Variants in CELF2 observed in about 807,000 individuals in gnomAD.
CELF2 encodes CUG triplet repeat RNA-binding protein 2.
Under a neutral mutation model 62.6 loss-of-function variants are expected in CELF2, and 8 were observed. The observed-to-expected ratio is 0.13, with a 90% CI of 0.07 to 0.23. The LOEUF (loss-of-function observed/expected upper bound fraction) is 0.23. Ranked by LOEUF, CELF2 falls within the 10% of genes least tolerant of loss-of-function variation. CELF2 has a pLI of 1.00. For synonymous variants in CELF2, 258 were observed against 250.0 expected (o/e 1.03, Z -0.30); for missense variants, 333 against 671.0 (o/e 0.50, Z 5.56).
Position 11,237,468 on chromosome 10 carries a change from GATCAGGGTGGACAGAGTCGAGCCCTGC to G in CELF2, c.355-11683_355-11657del, listed in dbSNP as rs2071876107. Among the ~76,000 whole-genome samples the G allele has an allele frequency of 6.6e-6, 1 of 152,180 alleles. No homozygotes were observed. On this transcript the variant is annotated intron_variant, in intron 3 of 12. Transcript: ENST00000633077. The surrounding 1 kb of genome is among the most constrained non-coding windows in gnomAD (Gnocchi z 4.0). The stretch of plus-strand genomic sequence containing the variant: ...GGTCATCCTGGGAAGCAGTGTAAGA[GATCAGGGTGGACAGAGTCGAGCCCTGC>G]AAAGAGGCTCAGAAGATCCAGGTGA...
chr10:11,105,925 A>G (rs189121293), intron 1 of CELF2, among the ~76,000 whole-genome samples: 34 of 152,332 alleles, frequency 2.2e-4, no homozygotes, highest in Non-Finnish European at 3.7e-4. Context: ...ATCTGGCATT[A>G]TATAGTGTCT....
chr10:10,573,882 C>A, the CELF2 span, among the ~76,000 whole-genome samples: 56 of 152,096 alleles, frequency 3.7e-4, no homozygotes, highest in African/African-American at 1.2e-3. Context: ...CCCCTACTTT[C>A]CAGAGTTTTT....
chr10:10,691,016 A>G, the CELF2 span, among the ~76,000 whole-genome samples: 10 of 145,450 alleles, frequency 6.9e-5, no homozygotes, highest in African/African-American at 2.6e-4. Flanking sequence ...ATTTTTTTTT[A>G]TTATTATACT....
chr10:11,237,106 AGGAGGCTGTTTCGG>A lies in CELF2; in HGVS notation c.355-12043_355-12030del, dbSNP rs2071679513. Among the ~76,000 whole-genome samples, 1 of 152,212 alleles carries A rather than the reference AGGAGGCTGTTTCGG, an allele frequency of 6.6e-6. No homozygotes were observed. Among genetic ancestry groups the A allele is most frequent in the South Asian group, 2.1e-4 (1 of 4,830 alleles). On this transcript the variant is annotated intron_variant, in intron 3 of 12. Coordinates refer to ENST00000633077, the MANE Select transcript of CELF2 (RefSeq NM_001326342.2). This position sits in a 1 kb window ranked among gnomAD's most constrained non-coding sequence, Gnocchi z 4.0. ...TGGAAGGCAATGACCAGAACTGGTG[AGGAGGCTGTTTCGG>A]GGATCCAGGTGAGCAGGAATGAAAA...
intron 1 of CELF2, among the ~76,000 whole-genome samples, chr10:11,071,262 G>A (rs1052393631): frequency 6.6e-6 from 1 of 152,188 alleles, no homozygotes; most frequent in Non-Finnish European, 1.5e-5. Flanking sequence ...CTGGTTCTTG[G>A]GAGCAAGCTC....
At chr10:10,919,601 T>C (rs903757227) in intron 1 of CELF2, among the ~76,000 whole-genome samples, 3 of 152,204 alleles carry the variant, frequency 2.0e-5, no homozygotes, top group Admixed American at 6.6e-5. Flanking sequence ...AGAAAGATCA[T>C]TGGTGCTTCG....
intron 2 of CELF2, among the ~76,000 whole-genome samples, chr10:10,930,663 A>G (rs974832761): frequency 1.8e-4 from 28 of 152,200 alleles, no homozygotes; most frequent in Non-Finnish European, 3.2e-4. Context: ...AATGGTTTCC[A>G]CGTAAGATAC....
chr10:11,219,206 C>T (rs1443963579), intron 3 of CELF2, among the ~76,000 whole-genome samples: 2 of 152,144 alleles, frequency 1.3e-5, no homozygotes, highest in Admixed American at 6.5e-5. Flanking sequence ...TCCCAGCATG[C>T]GATCTTCATA....
chr10:10,491,549 A>G, the CELF2 span, among the ~76,000 whole-genome samples: 10 of 152,158 alleles, frequency 6.6e-5, no homozygotes, highest in Non-Finnish European at 1.5e-4. Context: ...GGGTTTTCTC[A>G]GCTCAACTGC....
intron 1 of CELF2, among the ~76,000 whole-genome samples, chr10:11,085,500 T>A (rs2046456707): frequency 6.6e-6 from 1 of 152,182 alleles, no homozygotes; most frequent in African/African-American, 2.4e-5. Context: ...ATAGCTAACA[T>A]TTACAAAGTT....
chr10:10,595,545 A>T, the CELF2 span, among the ~76,000 whole-genome samples: 1 of 152,138 alleles, frequency 6.6e-6, no homozygotes, highest in Non-Finnish European at 1.5e-5. Context: ...TTTCCATAAG[A>T]CAGGACTACT....
intron 1 of CELF2, among the ~76,000 whole-genome samples, chr10:10,872,719 T>G (rs1333250113): frequency 1.3e-5 from 2 of 152,146 alleles, no homozygotes; most frequent in Non-Finnish European, 2.9e-5. Flanking sequence ...GCCTGGTGGC[T>G]TTTATGGAAA....
At chr10:10,954,984 C>T (rs961862399) in intron 2 of CELF2, among the ~76,000 whole-genome samples, 3 of 152,222 alleles carry the variant, frequency 2.0e-5, no homozygotes, top group African/African-American at 4.8e-5. Context: ...ATTTCAAAGG[C>T]TCCAAATAGC....
intron 1 of CELF2, among the ~76,000 whole-genome samples, chr10:11,062,831 G>A (rs1378800189): frequency 6.6e-6 from 1 of 152,168 alleles, no homozygotes; most frequent in African/African-American, 2.4e-5. Flanking sequence ...CATGGGCAAC[G>A]TGCTATCAAA....
chr10:10,691,211 G>A, the CELF2 span, among the ~76,000 whole-genome samples: 2 of 150,834 alleles, frequency 1.3e-5, no homozygotes, highest in South Asian at 2.1e-4. Flanking sequence ...CTGTGTCCAT[G>A]TGATCTCATT....
chr10:10,913,263 T>G (rs1413509912), intron 1 of CELF2, among the ~76,000 whole-genome samples: 1 of 151,938 alleles, frequency 6.6e-6, no homozygotes, highest in Non-Finnish European at 1.5e-5. Context: ...AGATTTTGTT[T>G]AACAGAGAAG....
chr10:10,496,437 T>C, the CELF2 span, among the ~76,000 whole-genome samples: 1 of 152,202 alleles, frequency 6.6e-6, no homozygotes, highest in East Asian at 1.9e-4. Context: ...TAAAGTCTTC[T>C]GATTGCTTTT....
At chr10:10,761,346 A>T in the CELF2 span, among the ~76,000 whole-genome samples, 1 of 152,232 alleles carries the variant, frequency 6.6e-6, no homozygotes, top group Admixed American at 6.5e-5. Context: ...TGAGTTTTTG[A>T]CAGGTTAAAT....
chr10:10,634,663 T>A, the CELF2 span, among the ~76,000 whole-genome samples: 4 of 52,430 alleles, frequency 7.6e-5, no homozygotes, highest in Admixed American at 1.3e-3. Flanking sequence ...TTTCTTTTCT[T>A]TTCTTTTTTT....
Sources: gnomAD v4.1 joint callset for allele counts (sites outside exome capture counted in the v4.1 genomes callset) on GRCh38, gnomAD v4.1.1 for gene constraint, Gnocchi (gnomAD v3.1) non-coding constraint, MANE v1.5 for transcripts, NCBI Gene and HGNC (gene_info 2026-07-23, HGNC 2026-07-21) for gene names.